RAB3IL1: variants seen among roughly 807,000 people sequenced by gnomAD.
RAB3IL1 encodes RAB3A interacting protein like 1, also known as guanine nucleotide exchange factor for Rab-3A.
RAB3IL1 carries 37 observed loss-of-function variants against 49.2 expected under a neutral mutation model. That is an observed-to-expected ratio of 0.75 (90% CI 0.58 to 0.99). The LOEUF is 0.99. Ranked by LOEUF, RAB3IL1 falls within the 50% of genes least tolerant of loss-of-function variation. The pLI, the probability that RAB3IL1 is intolerant of heterozygous loss-of-function variation, is 0.00. For synonymous variants in RAB3IL1, 193 were observed against 213.9 expected, an observed-to-expected ratio of 0.90 and a Z score of 0.85; for missense variants, 484 against 513.0, an observed-to-expected ratio of 0.94 and a Z score of 0.55.
At chr11:61,903,076 C>T (rs953490767) in intron 7 of RAB3IL1, among the ~76,000 whole-genome samples, 4 of 152,212 alleles carry the variant, frequency 2.6e-5, no homozygotes, top group South Asian at 2.1e-4. Flanking sequence ...TCCTGCATGA[C>T]GTCGCTCAGC....
rs185686820 is a variant in RAB3IL1, at chr11:61,907,611, T to C, written c.314A>G (p.Glu105Gly). 4.3e-6 allele frequency: 7 copies of C among 1,613,940 alleles called. No homozygotes were observed. The highest frequency in any genetic ancestry group is 5.1e-6 in the Non-Finnish European group (6 of 1,180,014). Residue 105 changes from glutamate (E) to glycine (G), a missense_variant, in exon 3 of 10, where the codon GAG becomes GGG. By Grantham distance (98) the Glu-to-Gly change is moderately conservative. Coordinates refer to ENST00000394836, the MANE Select transcript of RAB3IL1 (RefSeq NM_013401.4). ...EECERLSKVR[E>G]QLEQELEELT... ...CTCTTCCAGCTCCTGTTCTAGCTGC[T>C]CCCGCACCTTGGACAGCCGCTCACA...
At chr11:61,941,645 G>C in the RAB3IL1 span, among the ~76,000 whole-genome samples, 1 of 152,084 alleles carries the variant, frequency 6.6e-6, no homozygotes, top group Non-Finnish European at 1.5e-5. Flanking sequence ...CCAGCTACTC[G>C]GGAAGCTGAG....
chr11:61,941,800 C>G, the RAB3IL1 span, among the ~76,000 whole-genome samples: 1 of 152,016 alleles, frequency 6.6e-6, no homozygotes, highest in South Asian at 2.1e-4. Context: ...AATATAGATG[C>G]AAATATCCTC....
upstream of RAB3IL1, among the ~76,000 whole-genome samples, chr11:61,919,719 T>G (rs1272730178): frequency 6.6e-6 from 1 of 152,092 alleles, no homozygotes; most frequent in South Asian, 2.1e-4. Context: ...CCTCCCTCTA[T>G]CTCCCTCTGC....
chr11:61,932,493 A>T, the RAB3IL1 span, among the ~76,000 whole-genome samples: 2 of 152,150 alleles, frequency 1.3e-5, no homozygotes, highest in Non-Finnish European at 2.9e-5. Flanking sequence ...TAGTTCATTC[A>T]TTCAGCAGTT....
Position 61,904,856 on chromosome 11 carries a change from G to A in RAB3IL1, c.684C>T (p.Phe228=), listed in dbSNP as rs898936280. Residue 228 remains phenylalanine, a synonymous_variant, in exon 6 of 10, where the codon TTC becomes TTT. Transcript: ENST00000394836. ...KEVDTILFAE[F]QAWRESPTLD... ...GGGTGGGGGATTCCCTCCAGGCCTG[G>A]AACTCTGCAAACAGGATTGTGTCCA... is the stretch of plus-strand genomic sequence containing the variant. The A allele has an allele frequency of 6.2e-7, 1 of 1,603,560 alleles. No individual in the cohort carries two copies. The highest frequency in any genetic ancestry group is 8.5e-7 in the Non-Finnish European group (1 of 1,174,754).
upstream of RAB3IL1, among the ~76,000 whole-genome samples, chr11:61,922,432 G>T (rs1939929391): frequency 6.6e-6 from 1 of 151,982 alleles, no homozygotes. Flanking sequence ...TGAGGCAGGA[G>T]AATCGCTTGA....
At chr11:61,902,409 G>T (rs923984837) in intron 8 of RAB3IL1, 33 bp downstream of exon 8, 2 of 1,557,280 alleles carry the variant, frequency 1.3e-6, no homozygotes, top group African/African-American at 2.7e-5. Context: ...TGGCCCCAAA[G>T]GAGTCAAGTA....
upstream of RAB3IL1, among the ~76,000 whole-genome samples, chr11:61,925,136 C>T (rs1030852473): frequency 1.3e-5 from 2 of 152,086 alleles, no homozygotes; most frequent in Non-Finnish European, 2.9e-5. Flanking sequence ...GCTTTCTGTT[C>T]CCATTTTAAA....
chr11:61,922,204 G>A (rs1428149320), upstream of RAB3IL1, among the ~76,000 whole-genome samples: 4 of 148,470 alleles, frequency 2.7e-5, no homozygotes, highest in East Asian at 2.0e-4. Flanking sequence ...GCGAGACTCC[G>A]TCTCAAAAAA....
At chr11:61,918,951 C>T (rs750715950), upstream of RAB3IL1, among the ~76,000 whole-genome samples, 3 of 152,210 alleles carry the variant, frequency 2.0e-5, no homozygotes, top group Non-Finnish European at 4.4e-5. Flanking sequence ...GAGCTATGTT[C>T]CCCTACCCCA....
In RAB3IL1 at chr11:61,917,394, C is replaced by A; in HGVS notation, c.-27G>T. The A allele has an allele frequency of 1.6e-6, 2 of 1,232,006 alleles. No homozygotes were observed. Among genetic ancestry groups the A allele is most frequent in the Non-Finnish European group, 1.0e-6 (1 of 989,410 alleles). The allele number at this position is 1,232,006 out of a possible 1,614,324, so 76.3% of individuals were successfully genotyped here. On this transcript the variant is annotated 5_prime_UTR_variant, in exon 1 of 10. Coordinates refer to ENST00000394836, the MANE Select transcript of RAB3IL1 (RefSeq NM_013401.4). The stretch of plus-strand genomic sequence containing the variant: ...CCGGCGCCTCGGGGCGCCCAGGCGT[C>A]CGTTCCCAGCGCCGCCGCGTCCTCC...
At chr11:61,931,167 T>G in the RAB3IL1 span, among the ~76,000 whole-genome samples, 5 of 152,228 alleles carry the variant, frequency 3.3e-5, no homozygotes, top group Non-Finnish European at 7.3e-5. Flanking sequence ...TCCATGCCAC[T>G]GGCCAACTGC....
chr11:61,944,255 C>CTTCCTTCCTTTCTTCCTTCCTTCG, the RAB3IL1 span, among the ~76,000 whole-genome samples: 1 of 149,948 alleles, frequency 6.7e-6, no homozygotes, highest in Admixed American at 6.7e-5. Flanking sequence ...TCCTTCCTTC[C>CTTCCTTCCTTTCTTCCTTCCTTCG]TTCCTTCCTT....
chr11:61,898,709 C>A lies in RAB3IL1; in HGVS notation c.1067-349G>T, dbSNP rs533327615. ...GCACAGATGCCTCCCTGGGGTCTCA[C>A]AAGGACCCTGCGCAGTGAGGCGGGG... On this transcript the variant is annotated intron_variant, in intron 9 of 9. Transcript: ENST00000394836. The surrounding 1 kb of genome is among the most constrained non-coding windows in gnomAD (Gnocchi z 5.1). 1 of 486,258 alleles carries A rather than the reference C, an allele frequency of 2.1e-6. No individual in the cohort carries two copies. The highest frequency in any genetic ancestry group is 4.0e-6 in the Non-Finnish European group (1 of 249,026). 30.1% of individuals were successfully genotyped at this position (486,258 alleles called of 1,614,324 possible).
At chr11:61,913,228 C>T (rs1591235424) in intron 1 of RAB3IL1, among the ~76,000 whole-genome samples, 2 of 151,972 alleles carry the variant, frequency 1.3e-5, no homozygotes, top group Non-Finnish European at 2.9e-5. Context: ...ACACCAGAGC[C>T]GAAGAGTGTC....
rs1314302921 is a variant in RAB3IL1 at position 61,917,374 on chromosome 11, G to C, written c.-7C>G. On this transcript the variant is annotated 5_prime_UTR_variant, in exon 1 of 10. Coordinates refer to ENST00000394836, the MANE Select transcript of RAB3IL1 (RefSeq NM_013401.4). Reference sequence around the variant, plus strand: ...GGACCTACCCGCTCCACATCCCGGCGCCTCGGGGCGCCCAGGCGTCCGTTC... The same window carrying C: ...GGACCTACCCGCTCCACATCCCGGCCCCTCGGGGCGCCCAGGCGTCCGTTC... The C allele has an allele frequency of 8.0e-7, 1 of 1,249,470 alleles. No homozygotes were observed. The highest frequency in any genetic ancestry group is 1.0e-6 in the Non-Finnish European group (1 of 998,908). The allele number at this position is 1,249,470 out of a possible 1,614,324, so 77.4% of individuals were successfully genotyped here.
At chr11:61,919,985 G>T, upstream of RAB3IL1, 1 of 1,149,480 alleles carries the variant, frequency 8.7e-7, no homozygotes, top group Non-Finnish European at 1.1e-6. Flanking sequence ...CACACTGGCT[G>T]CCCTGAAGCT....
At chr11:61,928,842 A>G in the RAB3IL1 span, among the ~76,000 whole-genome samples, 1 of 152,240 alleles carries the variant, frequency 6.6e-6, no homozygotes, top group Non-Finnish European at 1.5e-5. Context: ...TCACCAGCAC[A>G]TAAAGATGCT....
Sources: gnomAD v4.1 joint callset for allele counts (sites outside exome capture counted in the v4.1 genomes callset) on GRCh38, gnomAD v4.1.1 for gene constraint, Gnocchi (gnomAD v3.1) non-coding constraint, MANE v1.5 for transcripts, NCBI Gene and HGNC (gene_info 2026-07-23, HGNC 2026-07-21) for gene names.